SLC9A9: variants seen among roughly 807,000 people sequenced by gnomAD.
The protein encoded by SLC9A9 is sodium/hydrogen exchanger 9.
SLC9A9 carries 62 observed loss-of-function variants against 77.8 expected under a neutral mutation model. The observed-to-expected ratio is 0.80, with a 90% CI of 0.65 to 0.98. SLC9A9 has a LOEUF of 0.98. Among genes scored for constraint, SLC9A9 ranks in the 50% least tolerant of loss-of-function variants. The pLI, the probability that SLC9A9 is intolerant of heterozygous loss-of-function variation, is 0.00. For synonymous variants in SLC9A9, 320 were observed against 283.5 expected, an observed-to-expected ratio of 1.13 and a Z score of -1.29; for missense variants, 775 against 774.9, an observed-to-expected ratio of 1.00 and a Z score of 0.00.
chr3:143,616,117 T>G (rs542217425), intron 6 of SLC9A9, among the ~76,000 whole-genome samples: 9 of 152,224 alleles, frequency 5.9e-5, no homozygotes, highest in Non-Finnish European at 1.2e-4. Context: ...CCTCCTGACC[T>G]TGTGATCCGC....
intron 4 of SLC9A9, among the ~76,000 whole-genome samples, chr3:143,745,872 C>T (rs1935187146): frequency 6.6e-6 from 1 of 152,158 alleles, no homozygotes; most frequent in Non-Finnish European, 1.5e-5. Flanking sequence ...CTGGGAAAGC[C>T]TTTTGATAGG....
At chr3:143,425,040 T>C (rs969444415) in intron 12 of SLC9A9, among the ~76,000 whole-genome samples, 11 of 152,226 alleles carry the variant, frequency 7.2e-5, no homozygotes, top group African/African-American at 2.7e-4. Context: ...GTGATCCATT[T>C]TCCCCTCAGG....
intron 9 of SLC9A9, among the ~76,000 whole-genome samples, chr3:143,510,523 A>G (rs2036099379): frequency 6.6e-6 from 1 of 152,140 alleles, no homozygotes; most frequent in African/African-American, 2.4e-5. Flanking sequence ...CTGAGTGTCT[A>G]TTATTTCTCT....
intron 14 of SLC9A9, chr3:143,344,451 G>T (rs1400467111): frequency 6.6e-6 from 1 of 152,094 alleles, no homozygotes; most frequent in Admixed American, 6.5e-5. Context: ...TATATTAAGA[G>T]ACACCTCTTT....
intron 5 of SLC9A9, among the ~76,000 whole-genome samples, chr3:143,681,185 T>C (rs1055033924): frequency 2.6e-5 from 4 of 152,198 alleles, no homozygotes; most frequent in African/African-American, 9.6e-5. Context: ...AAATAAACTT[T>C]GCAACAAGTC....
At chr3:143,603,345 G>T (rs141607493) in intron 6 of SLC9A9, among the ~76,000 whole-genome samples, 10 of 152,142 alleles carry the variant, frequency 6.6e-5, no homozygotes, top group Non-Finnish European at 1.3e-4. Flanking sequence ...TGGTATTCAC[G>T]CCCTCTACAT....
At chr3:143,363,377 C>T (rs2032806634) in intron 14 of SLC9A9, 107 bp downstream of exon 14, 4 of 1,009,964 alleles carry the variant, frequency 4.0e-6, no homozygotes, top group Admixed American at 1.8e-5. Context: ...TTCACTTTAC[C>T]TTTTGGTGTT....
At chr3:143,514,851 C>CT (rs1235199744) in intron 9 of SLC9A9, among the ~76,000 whole-genome samples, 3 of 152,038 alleles carry the variant, frequency 2.0e-5, no homozygotes, top group South Asian at 2.1e-4. Context: ...GACTGTTTTG[C>CT]TTTTTTTTGT....
chr3:143,392,117 C>A (rs929705354), intron 12 of SLC9A9, among the ~76,000 whole-genome samples: 4 of 152,118 alleles, frequency 2.6e-5, no homozygotes, highest in Admixed American at 2.0e-4. Context: ...AAACATACTC[C>A]TTGAGAAGAG....
At chr3:143,291,792 T>A (rs2029988721) in intron 14 of SLC9A9, among the ~76,000 whole-genome samples, 1 of 152,230 alleles carries the variant, frequency 6.6e-6, no homozygotes, top group African/African-American at 2.4e-5. Context: ...TGTTACAGAA[T>A]GACAAAACTC....
intron 12 of SLC9A9, among the ~76,000 whole-genome samples, chr3:143,406,503 G>A (rs1046356375): frequency 2.0e-5 from 3 of 151,776 alleles, no homozygotes; most frequent in Admixed American, 2.0e-4. Context: ...CCAGCCTCCC[G>A]AGTAGCTGGG....
intron 12 of SLC9A9, among the ~76,000 whole-genome samples, chr3:143,448,936 TATGA>T (rs1559920328): frequency 0.24 from 2,453 of 10,310 alleles, 1,182 homozygotes; most frequent in East Asian, 0.96. Flanking sequence ...TAATATATAA[TATGA>T]TATATAATAT....
intron 14 of SLC9A9, among the ~76,000 whole-genome samples, chr3:143,318,557 C>T (rs889588605): frequency 6.6e-6 from 1 of 152,162 alleles, no homozygotes; most frequent in Non-Finnish European, 1.5e-5. Flanking sequence ...TAATAGCTAA[C>T]CATCGGGAAG....
At chr3:143,813,257 T>C (rs1250497397) in intron 2 of SLC9A9, among the ~76,000 whole-genome samples, 1 of 152,104 alleles carries the variant, frequency 6.6e-6, no homozygotes, top group East Asian at 1.9e-4. Flanking sequence ...AAGGTGCTCA[T>C]GGCTGAAGAC....
At chr3:143,631,388 A>C (rs1029753342) in intron 6 of SLC9A9, among the ~76,000 whole-genome samples, 2 of 152,168 alleles carry the variant, frequency 1.3e-5, no homozygotes, top group Non-Finnish European at 2.9e-5. Flanking sequence ...AGGAGACAAC[A>C]TTTAATTCTT....
intron 6 of SLC9A9, among the ~76,000 whole-genome samples, chr3:143,639,804 C>T (rs2038590735): frequency 6.6e-6 from 1 of 152,128 alleles, no homozygotes; most frequent in Non-Finnish European, 1.5e-5. Flanking sequence ...TATTTGCTTT[C>T]ATATGCAGGC....
At chr3:143,524,525 G>GT (rs1037162192) in intron 9 of SLC9A9, among the ~76,000 whole-genome samples, 1 of 152,104 alleles carries the variant, frequency 6.6e-6, no homozygotes, top group Non-Finnish European at 1.5e-5. Flanking sequence ...TTTTGAAAAT[G>GT]TTTGACAGTA....
chr3:143,747,878 A>T (rs1181520779), intron 4 of SLC9A9, among the ~76,000 whole-genome samples: 1 of 152,200 alleles, frequency 6.6e-6, no homozygotes, highest in African/African-American at 2.4e-5. Flanking sequence ...CCTCCTTAGG[A>T]ACTTTGTCCA....
At chr3:143,684,399 G>T (rs910468312) in intron 5 of SLC9A9, among the ~76,000 whole-genome samples, 1 of 151,916 alleles carries the variant, frequency 6.6e-6, no homozygotes, top group African/African-American at 2.4e-5. Flanking sequence ...AAAAATCATG[G>T]ACTGTATTTT....
Sources: allele counts gnomAD v4.1 joint callset (sites outside exome capture counted in the v4.1 genomes callset), GRCh38; gene constraint gnomAD v4.1.1; transcripts MANE v1.5; gene names NCBI Gene and HGNC (gene_info 2026-07-23, HGNC 2026-07-21).